The following TOM1 variants were observed in gnomAD, a reference collection of about 807,000 sequenced individuals.
TOM1 encodes the protein target of myb1 membrane trafficking protein.
Under a neutral mutation model 61.3 loss-of-function variants are expected in TOM1, and 38 were observed. The ratio of observed to expected loss-of-function variants is 0.62; its 90% confidence interval spans 0.48 to 0.81. The LOEUF (loss-of-function observed/expected upper bound fraction) is 0.81, where lower values mean the gene tolerates loss of function less well. Among genes scored for constraint, TOM1 ranks in the 40% least tolerant of loss-of-function variants. TOM1 has a pLI of 0.00. For synonymous variants in TOM1, 270 were observed against 268.8 expected (o/e 1.00, Z -0.04); for missense variants, 591 against 659.6 (o/e 0.90, Z 1.14).
At chr22:35,311,762 C>G (rs981469153) in intron 1 of TOM1, among the ~76,000 whole-genome samples, 1 of 152,194 alleles carries the variant, frequency 6.6e-6, no homozygotes, top group Non-Finnish European at 1.5e-5. Context: ...TGGCTGCCCC[C>G]ACGACAGTTG....
chr22:35,300,798 A>G (rs1925686093), intron 1 of TOM1, among the ~76,000 whole-genome samples: 1 of 152,214 alleles, frequency 6.6e-6, no homozygotes, highest in African/African-American at 2.4e-5. Context: ...GTTGGCGGGC[A>G]ATAATGGTCC....
At chr22:35,330,103 C>T (rs895373180) in intron 7 of TOM1, among the ~76,000 whole-genome samples, 2 of 151,870 alleles carry the variant, frequency 1.3e-5, no homozygotes, top group Non-Finnish European at 2.9e-5. Flanking sequence ...TATGGCGAAA[C>T]CCCGTCTCTA....
At chr22:35,313,438 C>A (rs762071134) in intron 1 of TOM1, among the ~76,000 whole-genome samples, 13 of 152,108 alleles carry the variant, frequency 8.5e-5, no homozygotes, top group Non-Finnish European at 1.9e-4. Context: ...ACTACTCATT[C>A]TTTCTCTTGG....
chr22:35,334,393 G>C lies in TOM1; in HGVS notation c.1093G>C (p.Glu365Gln). ...GGAGGCCTCTGGTCGACTGGAAGATGAGTTTGACATGTTTGCGCTGACACG... is the reference window on the plus strand; with the variant it reads ...GGAGGCCTCTGGTCGACTGGAAGATCAGTTTGACATGTTTGCGCTGACACG... ...SLEASGRLED[E>Q]FDMFALTRGS... is the part of the protein sequence containing the mutation. Residue 365 changes from glutamate (E) to glutamine (Q), a missense_variant, in exon 11 of 15, where the codon GAG (glutamate) becomes CAG (glutamine). Transcript: ENST00000449058. 6.2e-7 allele frequency: 1 copy of C among 1,614,178 alleles called. No homozygotes were observed. Among genetic ancestry groups the C allele is most frequent in the Non-Finnish European group, 8.5e-7 (1 of 1,180,024 alleles).
Position 35,346,988 on chromosome 22 carries a change from G to GC in TOM1, c.1324+22dup. On this transcript the variant is annotated intron_variant, in intron 14 of 14. Coordinates refer to ENST00000449058, the MANE Select transcript of TOM1 (RefSeq NM_005488.3). ...AGCGAAGGTAGTAGTCCCCGCCCCT[G>GC]CCCGCCCTCTCCTTTCCCCAGGGCT... 4 of 1,600,682 alleles carry GC rather than the reference G, an allele frequency of 2.5e-6. No individual in the cohort carries two copies. Among genetic ancestry groups the GC allele is most frequent in the Non-Finnish European group, 3.4e-6 (4 of 1,169,958 alleles).
intron 6 of TOM1, 64 bp from the exon 7 acceptor site, chr22:35,327,207 C>A: frequency 1.3e-6 from 2 of 1,493,412 alleles, no homozygotes; most frequent in South Asian, 1.1e-5. Flanking sequence ...TGGGTTCTGT[C>A]GCTGTGAGTA....
At chr22:35,309,022 CA>C (rs892731975) in intron 1 of TOM1, among the ~76,000 whole-genome samples, 8 of 151,920 alleles carry the variant, frequency 5.3e-5, no homozygotes, top group Middle Eastern at 3.2e-3. Context: ...GTTTTCAAGA[CA>C]AGTTTCTGGC....
At chr22:35,322,910 G>T in intron 3 of TOM1, 118 bp from the exon 4 acceptor site, 2 of 1,241,296 alleles carry the variant, frequency 1.6e-6, no homozygotes, top group Non-Finnish European at 2.2e-6. Context: ...ACTCCAGGAA[G>T]TCCCATCTCC....
Position 35,322,044 on chromosome 22 carries a change from G to A in TOM1, c.216+7G>A. On this transcript the variant is annotated splice_region_variant and intron_variant, in intron 3 of 14. Transcript: ENST00000449058. ...GGTGATGCTGGCTCTCACAGTGAGT[G>A]CCCCATCTGTCTGTCCTGTGGCAGG... is the stretch of plus-strand genomic sequence containing the variant. 6.2e-7 allele frequency: 1 copy of A among 1,613,740 alleles called. No homozygotes were observed. Among genetic ancestry groups the A allele is most frequent in the Non-Finnish European group, 8.5e-7 (1 of 1,179,690 alleles).
At chr22:35,310,000 T>C (rs1253878406) in intron 1 of TOM1, among the ~76,000 whole-genome samples, 2 of 152,192 alleles carry the variant, frequency 1.3e-5, no homozygotes, top group African/African-American at 4.8e-5. Context: ...TCCACAACTA[T>C]TGGAGTCAGC....
intron 12 of TOM1, among the ~76,000 whole-genome samples, chr22:35,341,900 C>T (rs1929910101): frequency 1.3e-5 from 2 of 152,180 alleles, no homozygotes; most frequent in Non-Finnish European, 2.9e-5. Context: ...CAAATGCCTG[C>T]TCCTGGGGTG....
In TOM1 at chr22:35,347,745, C is replaced by T. The variant is rs554571026; in HGVS notation, c.*536C>T. The T allele has an allele frequency of 6.5e-6, 1 of 153,606 alleles. No individual in the cohort carries two copies. The highest frequency in any genetic ancestry group is 6.5e-5 in the Admixed American group (1 of 15,318). 9.5% of individuals were successfully genotyped at this position (153,606 alleles called of 1,614,324 possible). ...AGGCCCCCTGAGGAGCTGCGGCGGC[C>T]CAGGTACGAAGCTGCAACTCTGCGC... On this transcript the variant is annotated 3_prime_UTR_variant, in exon 15 of 15. Transcript: ENST00000449058.
At chr22:35,331,276 T>C (rs556747946) in intron 8 of TOM1, 5 of 449,078 alleles carry the variant, frequency 1.1e-5, no homozygotes, top group African/African-American at 8.1e-5. Flanking sequence ...TCTTTTCTTT[T>C]TTTTTTTTTC....
At position 35,323,897 on chromosome 22, in the gene TOM1, G is replaced by C. The variant is rs201378027; in HGVS notation, c.631G>C (p.Ala211Pro). ...PPILSGDTPI[A>P]PTPEQIGKLR... ...CATACTCTCCGGTGACACGCCCATA[G>C]CACCAACCCCGGAACAGGTAAACGA... Residue 211 changes from alanine to proline, a missense_variant, in exon 6 of 15, where the codon GCA becomes CCA. Coordinates refer to ENST00000449058, the MANE Select transcript of TOM1 (RefSeq NM_005488.3). The surrounding 1 kb of genome is among the most constrained non-coding windows in gnomAD (Gnocchi z 4.2). The C allele has an allele frequency of 1.3e-5, 20 of 1,578,826 alleles. No homozygotes were observed. In the East Asian group the frequency reaches 4.3e-4, roughly 34 times the overall value.
At position 35,347,173 on chromosome 22, in the gene TOM1, C is replaced by T; in HGVS notation, c.1443C>T (p.Thr481=). 2.5e-6 allele frequency: 4 copies of T among 1,612,684 alleles called. No homozygotes were observed. Among genetic ancestry groups the T allele is most frequent in the Non-Finnish European group, 3.4e-6 (4 of 1,179,438 alleles). Residue 481 remains threonine, a synonymous_variant, in exon 15 of 15, where the codon ACC becomes ACT. Transcript: ENST00000449058. ...CTGGCCCAGCGCCCCGGAAGAAGAC[C>T]CAGGAGAAAGATGATGACATGCTGT... is the stretch of plus-strand genomic sequence containing the variant. ...PPSGPAPRKK[T]QEKDDDMLFA... is the part of the protein sequence containing the mutation.
intron 12 of TOM1, among the ~76,000 whole-genome samples, chr22:35,342,145 A>T (rs1028049714): frequency 3.9e-5 from 6 of 152,286 alleles, no homozygotes; most frequent in African/African-American, 1.4e-4. Flanking sequence ...TATCTCAAAA[A>T]AAAAGAAACA....
intron 1 of TOM1, among the ~76,000 whole-genome samples, chr22:35,307,862 A>G (rs1267864250): frequency 1.3e-5 from 2 of 152,184 alleles, no homozygotes; most frequent in Non-Finnish European, 2.9e-5. Context: ...GGTTAACTTT[A>G]TGTGTCAACT....
chr22:35,322,170 C>A, intron 3 of TOM1, 133 bp downstream of exon 3: 2 of 737,694 alleles, frequency 2.7e-6, no homozygotes, highest in Non-Finnish European at 4.6e-6. Flanking sequence ...AGGCAACGCA[C>A]TGTCCTGTCT....
rs748631277 is a variant in TOM1 at position 35,327,244 on chromosome 22, CT to C, written c.649-26del. The stretch of plus-strand genomic sequence containing the variant: ...CATGGGCCCCAGAACCCTGGCTTCT[CT>C]CACCACGATCAACTGTGTGTTTCAG... On this transcript the variant is annotated intron_variant, in intron 6 of 14. Transcript: ENST00000449058. 3 of 1,606,010 alleles carry C rather than the reference CT, an allele frequency of 1.9e-6. No homozygotes were observed. The African/African-American group carries it at 4.0e-5, about 21-fold the overall frequency.
Sources: allele counts gnomAD v4.1 joint callset (sites outside exome capture counted in the v4.1 genomes callset), GRCh38; gene constraint gnomAD v4.1.1; non-coding constraint Gnocchi (gnomAD v3.1); transcripts MANE v1.5; gene names NCBI Gene and HGNC (gene_info 2026-07-23, HGNC 2026-07-21).